ALK: variants seen among roughly 807,000 people sequenced by gnomAD.
The protein encoded by ALK is ALK receptor tyrosine kinase.
A neutral mutation model predicts 163.1 loss-of-function variants in ALK; 74 were observed. The observed-to-expected ratio is 0.45, with a 90% CI of 0.38 to 0.55. The LOEUF (loss-of-function observed/expected upper bound fraction) is 0.55, where lower values mean the gene tolerates loss of function less well. Among genes scored for constraint, ALK ranks in the 20% least tolerant of loss-of-function variants. The pLI, the probability that ALK is intolerant of heterozygous loss-of-function variation, is 0.00. For synonymous variants in ALK, 960 were observed against 843.2 expected, an observed-to-expected ratio of 1.14 and a Z score of -2.40; for missense variants, 2,063 against 2,105.3, an observed-to-expected ratio of 0.98 and a Z score of 0.39.
chr2:29,809,607 C>T (rs1001366585), intron 1 of ALK, among the ~76,000 whole-genome samples: 16 of 152,144 alleles, frequency 1.1e-4, no homozygotes, highest in African/African-American at 3.9e-4. Flanking sequence ...AGCCCTTTAT[C>T]CTGGTTTGGG....
At chr2:29,827,805 G>A (rs1049394333) in intron 1 of ALK, among the ~76,000 whole-genome samples, 49 of 152,172 alleles carry the variant, frequency 3.2e-4, no homozygotes, top group Non-Finnish European at 2.6e-4. Flanking sequence ...TCAAAGAATT[G>A]GAAAAAACTA....
At chr2:29,210,128 G>A (rs574823272) in intron 24 of ALK, among the ~76,000 whole-genome samples, 53 of 152,312 alleles carry the variant, frequency 3.5e-4, no homozygotes, top group African/African-American at 1.2e-3. Context: ...ATAATGAAAT[G>A]CATCATACTA....
chr2:29,239,107 T>C (rs1573147738), intron 13 of ALK, among the ~76,000 whole-genome samples: 1 of 152,186 alleles, frequency 6.6e-6, no homozygotes, highest in African/African-American at 2.4e-5. Flanking sequence ...ATGCAAAAGG[T>C]TGCACTTGCT....
chr2:29,738,954 T>C (rs1338064349), intron 1 of ALK, among the ~76,000 whole-genome samples: 2 of 152,054 alleles, frequency 1.3e-5, no homozygotes, highest in African/African-American at 4.8e-5. Flanking sequence ...ATTATTATAT[T>C]GGCTAGGCAC....
chr2:29,252,832 TTTA>T (rs1444536436), intron 11 of ALK, among the ~76,000 whole-genome samples: 3,078 of 146,920 alleles, frequency 0.021, 115 homozygotes, highest in African/African-American at 0.075. Context: ...TGATTTTTTA[TTTA>T]TTTTTTTTTA....
intron 9 of ALK, 42 bp from the exon 10 acceptor site, chr2:29,275,538 G>A (rs1410666065): frequency 1.2e-6 from 2 of 1,604,312 alleles, no homozygotes; most frequent in Admixed American, 1.7e-5. Context: ...GCAAACTGGG[G>A]GGTCTTGTCT....
chr2:29,278,982 G>A (rs1036940266), intron 9 of ALK, among the ~76,000 whole-genome samples: 1 of 24,392 alleles, frequency 4.1e-5, no homozygotes, highest in African/African-American at 5.5e-5. Flanking sequence ...GTGTGCCTGG[G>A]GGGGGGGACA....
chr2:29,539,350 T>C (rs1386714702), intron 3 of ALK, among the ~76,000 whole-genome samples: 1 of 152,194 alleles, frequency 6.6e-6, no homozygotes, highest in Non-Finnish European at 1.5e-5. Context: ...ATTTGTCTCA[T>C]ATTTGAAATA....
intron 28 of ALK, among the ~76,000 whole-genome samples, chr2:29,196,238 G>A (rs1418360493): frequency 2.6e-5 from 4 of 152,128 alleles, no homozygotes; most frequent in Non-Finnish European, 4.4e-5. Context: ...AACGAAATAC[G>A]CAAAAAGTGA....
chr2:29,327,257 C>T (rs1400074919), intron 6 of ALK, among the ~76,000 whole-genome samples: 1 of 152,146 alleles, frequency 6.6e-6, no homozygotes. Context: ...TTTCCCAACT[C>T]ATTCTTTCCT....
chr2:29,414,775 A>G (rs1669825769), intron 4 of ALK, among the ~76,000 whole-genome samples: 1 of 152,168 alleles, frequency 6.6e-6, no homozygotes, highest in Non-Finnish European at 1.5e-5. Context: ...CTTCCCCACA[A>G]TTAGGATAAA....
At chr2:29,280,700 T>C (rs573080553) in intron 9 of ALK, among the ~76,000 whole-genome samples, 4 of 148,936 alleles carry the variant, frequency 2.7e-5, no homozygotes, top group African/African-American at 7.6e-5. Context: ...TACCAGGTGG[T>C]CCATTCTGGG....
intron 3 of ALK, among the ~76,000 whole-genome samples, chr2:29,551,821 G>A (rs1251809983): frequency 6.6e-6 from 1 of 151,818 alleles, no homozygotes; most frequent in African/African-American, 2.4e-5. Flanking sequence ...CAAAACACCT[G>A]CTACTTAAAA....
At chr2:29,914,354 C>G (rs537903117) in intron 1 of ALK, among the ~76,000 whole-genome samples, 21 of 152,342 alleles carry the variant, frequency 1.4e-4, no homozygotes, top group Admixed American at 2.0e-4. Context: ...ACAACTGCTG[C>G]TGCCAAGATT....
At chr2:29,777,331 C>T (rs1039028977) in intron 1 of ALK, among the ~76,000 whole-genome samples, 1 of 152,112 alleles carries the variant, frequency 6.6e-6, no homozygotes, top group African/African-American at 2.4e-5. Context: ...TTGAAATCAT[C>T]ACCCAGCCTA....
intron 3 of ALK, among the ~76,000 whole-genome samples, chr2:29,593,115 C>T (rs372774973): frequency 5.3e-5 from 8 of 152,204 alleles, no homozygotes; most frequent in Admixed American, 2.0e-4. Flanking sequence ...CTGGGCCTCA[C>T]GAGTTCAGAC....
intron 3 of ALK, among the ~76,000 whole-genome samples, chr2:29,691,033 G>T (rs1238850486): frequency 6.6e-6 from 1 of 152,190 alleles, no homozygotes; most frequent in Non-Finnish European, 1.5e-5. Flanking sequence ...GTGCAGAATG[G>T]ACAGGTTGTT....
At chr2:29,496,815 C>A (rs1221003833) in intron 4 of ALK, among the ~76,000 whole-genome samples, 1 of 152,224 alleles carries the variant, frequency 6.6e-6, no homozygotes, top group Non-Finnish European at 1.5e-5. Context: ...ATGTGCCAAG[C>A]AACCATTGCC....
At chr2:29,388,601 T>C (rs1015422302) in intron 4 of ALK, among the ~76,000 whole-genome samples, 2 of 152,212 alleles carry the variant, frequency 1.3e-5, no homozygotes, top group Non-Finnish European at 2.9e-5. Flanking sequence ...CTTGCTGGAT[T>C]GTTGTAAGGA....
Sources: gnomAD v4.1 joint callset for allele counts (sites outside exome capture counted in the v4.1 genomes callset) on GRCh38, gnomAD v4.1.1 for gene constraint, MANE v1.5 for transcripts, NCBI Gene and HGNC (gene_info 2026-07-23, HGNC 2026-07-21) for gene names.